The following ABCB11 variants were observed in gnomAD, a reference collection of about 807,000 sequenced individuals.
ABCB11 encodes the protein ATP binding cassette subfamily B member 11.
Under a neutral mutation model 148.0 loss-of-function variants are expected in ABCB11, and 95 were observed. The observed-to-expected ratio is 0.64, with a 90% CI of 0.54 to 0.76. The LOEUF is 0.76. Among genes scored for constraint, ABCB11 ranks in the 30% least tolerant of loss-of-function variants. The pLI is 0.00. For missense variants in ABCB11, 1,523 were observed against 1,617.8 expected (o/e 0.94, Z 1.01); for synonymous variants, 591 against 555.4 (o/e 1.06, Z -0.90).
chr2:169,003,054 C>A (rs976791810), intron 5 of ABCB11, among the ~76,000 whole-genome samples: 3 of 151,736 alleles, frequency 2.0e-5, no homozygotes, highest in African/African-American at 7.3e-5. Context: ...GAATGGTGCA[C>A]CCATCATCCA....
intron 12 of ABCB11, among the ~76,000 whole-genome samples, chr2:168,975,653 T>A (rs1224600126): frequency 7.1e-6 from 1 of 139,934 alleles, no homozygotes; most frequent in African/African-American, 2.6e-5. Flanking sequence ...ATGTATTATA[T>A]ATTACAAATA....
At chr2:168,968,620 T>C (rs1693421930) in intron 16 of ABCB11, 130 bp from the exon 17 acceptor site, 3 of 750,220 alleles carry the variant, frequency 4.0e-6, no homozygotes, top group Non-Finnish European at 6.1e-6. Flanking sequence ...GTTAACTTTA[T>C]TGCAATAAAT....
chr2:168,979,808 T>C, intron 11 of ABCB11, 58 bp downstream of exon 11: 1 of 1,031,280 alleles, frequency 9.7e-7, no homozygotes. Flanking sequence ...GAGTTCATTC[T>C]GTGCCCCACC....
intron 5 of ABCB11, among the ~76,000 whole-genome samples, chr2:169,010,179 T>C (rs1488305989): frequency 6.6e-6 from 1 of 152,212 alleles, no homozygotes; most frequent in Non-Finnish European, 1.5e-5. Context: ...GTATGTCTCT[T>C]CTACAATTAA....
intron 1 of ABCB11, among the ~76,000 whole-genome samples, chr2:169,028,607 C>G (rs1000235476): frequency 6.6e-6 from 1 of 152,082 alleles, no homozygotes; most frequent in African/African-American, 2.4e-5. Flanking sequence ...GTTGATCCTT[C>G]AGGGCCTCAT....
chr2:168,983,971 A>G lies in ABCB11; in HGVS notation c.1083+2139T>C, dbSNP rs1694225543. Among the ~76,000 whole-genome samples, 12 of 152,290 alleles carry G rather than the reference A, an allele frequency of 7.9e-5. No homozygotes were observed. In the South Asian group the frequency reaches 2.5e-3, roughly 32 times the overall value. On this transcript the variant is annotated intron_variant, in intron 10 of 27. Coordinates refer to ENST00000650372, the MANE Select transcript of ABCB11 (RefSeq NM_003742.4). Reference sequence around the variant, plus strand: ...TAGAAACGGGTGGGCACAAGTGTAAATAAATGCAAATATTCCATATCACAA... The same window carrying G: ...TAGAAACGGGTGGGCACAAGTGTAAGTAAATGCAAATATTCCATATCACAA...
chr2:169,009,148 G>C (rs1695104451), intron 5 of ABCB11, among the ~76,000 whole-genome samples: 1 of 152,068 alleles, frequency 6.6e-6, no homozygotes, highest in Non-Finnish European at 1.5e-5. Flanking sequence ...ATGGCCGAGG[G>C]GCAAGGGGTT....
chr2:168,935,567 G>A (rs138670533), intron 22 of ABCB11, 142 bp from the exon 23 acceptor site: 25 of 1,179,742 alleles, frequency 2.1e-5, no homozygotes, highest in South Asian at 3.3e-5. Context: ...ATACAAAGAC[G>A]TGGCTGGAGA....
intron 13 of ABCB11, among the ~76,000 whole-genome samples, chr2:168,972,688 G>A (rs1340116716): frequency 2.6e-5 from 4 of 152,036 alleles, no homozygotes; most frequent in Non-Finnish European, 4.4e-5. Flanking sequence ...TGTTTGCCAT[G>A]CCTGTGTAAT....
At chr2:169,007,224 T>C (rs1695045271) in intron 5 of ABCB11, among the ~76,000 whole-genome samples, 1 of 152,098 alleles carries the variant, frequency 6.6e-6, no homozygotes, top group Non-Finnish European at 1.5e-5. Flanking sequence ...TTGATTTTGA[T>C]AAGGATTCTG....
chr2:168,960,398 G>A (rs923440617), intron 18 of ABCB11, among the ~76,000 whole-genome samples: 2 of 151,614 alleles, frequency 1.3e-5, no homozygotes, highest in Non-Finnish European at 3.0e-5. Flanking sequence ...GCTTCCTTGT[G>A]ACATTAAATA....
chr2:169,001,362 G>A (rs1368574508), intron 5 of ABCB11, among the ~76,000 whole-genome samples: 1 of 152,250 alleles, frequency 6.6e-6, no homozygotes, highest in East Asian at 1.9e-4. Context: ...TTTGGGGTAA[G>A]TCAGCTGGCA....
At chr2:168,932,867 T>C (rs970552068) in intron 23 of ABCB11, among the ~76,000 whole-genome samples, 1 of 151,986 alleles carries the variant, frequency 6.6e-6, no homozygotes, top group African/African-American at 2.4e-5. Flanking sequence ...CCCAGCACCT[T>C]GGGAGGCCGA....
intron 19 of ABCB11, among the ~76,000 whole-genome samples, chr2:168,955,117 A>G (rs1484042407): frequency 6.6e-6 from 1 of 151,498 alleles, no homozygotes; most frequent in Non-Finnish European, 1.5e-5. Flanking sequence ...TTAAAATGCT[A>G]TTTATCTCCT....
chr2:169,017,778 A>C (rs943759446), intron 2 of ABCB11, among the ~76,000 whole-genome samples: 7 of 152,152 alleles, frequency 4.6e-5, no homozygotes, highest in Non-Finnish European at 8.8e-5. Context: ...CATAACAGCC[A>C]CCACTGGAAC....
chr2:168,952,687 T>TG (rs1416437852), intron 19 of ABCB11, among the ~76,000 whole-genome samples: 2 of 118,786 alleles, frequency 1.7e-5, no homozygotes, highest in East Asian at 5.6e-4. Flanking sequence ...GTTTTTTTTT[T>TG]TTTGTTTGTT....
intron 17 of ABCB11, among the ~76,000 whole-genome samples, chr2:168,967,267 C>T (rs1453902723): frequency 5.9e-5 from 9 of 151,846 alleles, no homozygotes; most frequent in Admixed American, 5.9e-4. Flanking sequence ...TAATGTGAAG[C>T]TATTGCTTTG....
intron 7 of ABCB11, 41 bp from the exon 8 acceptor site, chr2:168,993,923 A>G (rs375585290): frequency 1.2e-4 from 172 of 1,483,332 alleles, no homozygotes; most frequent in Non-Finnish European, 1.5e-4. Context: ...ACTGAATTTG[A>G]TCATTCAAAT....
intron 17 of ABCB11, among the ~76,000 whole-genome samples, chr2:168,964,631 A>C (rs1036752599): frequency 1.3e-5 from 2 of 151,690 alleles, no homozygotes; most frequent in Non-Finnish European, 2.9e-5. Context: ...TACTTTCCAA[A>C]CCCACATGGT....
Sources: gnomAD v4.1 joint callset for allele counts (sites outside exome capture counted in the v4.1 genomes callset) on GRCh38, gnomAD v4.1.1 for gene constraint, MANE v1.5 for transcripts, NCBI Gene and HGNC (gene_info 2026-07-23, HGNC 2026-07-21) for gene names.